Variants in CYBRD1 observed in about 807,000 individuals in gnomAD.
The protein encoded by CYBRD1 is plasma membrane ascorbate-dependent reductase CYBRD1.
CYBRD1 carries 14 observed loss-of-function variants against 21.9 expected under a neutral mutation model. The ratio of observed to expected loss-of-function variants is 0.64; its 90% confidence interval spans 0.42 to 1.00. The LOEUF is 1.00. Among genes scored for constraint, CYBRD1 ranks in the 50% least tolerant of loss-of-function variants. The pLI is 0.00. For missense variants in CYBRD1, 328 were observed against 352.5 expected, an observed-to-expected ratio of 0.93 and a Z score of 0.56; for synonymous variants, 146 against 136.5, an observed-to-expected ratio of 1.07 and a Z score of -0.48.
chr2:171,541,192 T>G, intron 1 of CYBRD1: 4 of 247,634 alleles, frequency 1.6e-5, no homozygotes, highest in East Asian at 9.8e-5. Flanking sequence ...CAAGAAGACA[T>G]TGGATTATGC....
intron 1 of CYBRD1, among the ~76,000 whole-genome samples, chr2:171,537,242 C>G (rs1003078506): frequency 6.6e-6 from 1 of 152,086 alleles, no homozygotes; most frequent in Non-Finnish European, 1.5e-5. Context: ...CTTCATATAT[C>G]GCACATTTTT....
chr2:171,523,849 T>C, intron 1 of CYBRD1, among the ~76,000 whole-genome samples: 1 of 152,316 alleles, frequency 6.6e-6, no homozygotes, highest in East Asian at 1.9e-4. Context: ...CAGAAAGTAG[T>C]TAGAGAAAGG....
At chr2:171,532,873 CGA>C (rs1697488599) in intron 1 of CYBRD1, among the ~76,000 whole-genome samples, 1 of 101,326 alleles carries the variant, frequency 9.9e-6, no homozygotes, top group Admixed American at 1.0e-4. Context: ...AACCATTTCA[CGA>C]TGTGTGTGTG....
At chr2:171,530,399 C>T (rs1375741219) in intron 1 of CYBRD1, among the ~76,000 whole-genome samples, 1 of 152,220 alleles carries the variant, frequency 6.6e-6, no homozygotes, top group East Asian at 1.9e-4. Flanking sequence ...AGTCCAGACA[C>T]AGTTTACCAA....
At chr2:171,525,238 G>C (rs1003639096) in intron 1 of CYBRD1, among the ~76,000 whole-genome samples, 2 of 152,014 alleles carry the variant, frequency 1.3e-5, no homozygotes, top group Non-Finnish European at 2.9e-5. Flanking sequence ...GTACCCGGCC[G>C]ATCTTGTTTT....
chr2:171,522,398 G>A, upstream of CYBRD1: 1 of 1,497,872 alleles, frequency 6.7e-7, no homozygotes. The surrounding 1 kb of genome is among the most constrained non-coding windows in gnomAD (Gnocchi z 4.3). Context: ...CCCACATTCC[G>A]GGCCAGCAGC....
At chr2:171,547,937 T>C (rs1439475334) in intron 2 of CYBRD1, among the ~76,000 whole-genome samples, 1 of 151,896 alleles carries the variant, frequency 6.6e-6, no homozygotes, top group African/African-American at 2.4e-5. Flanking sequence ...AGACCAGGGG[T>C]AGTCATGAAG....
At chr2:171,535,878 A>G (rs982956588) in intron 1 of CYBRD1, among the ~76,000 whole-genome samples, 1 of 152,116 alleles carries the variant, frequency 6.6e-6, no homozygotes, top group East Asian at 1.9e-4. Context: ...GGGCTCAAGC[A>G]GTCTACCCAC....
rs138508811 is a variant in CYBRD1, at chr2:171,555,147, G to C, written c.*320G>C. On this transcript the variant is annotated 3_prime_UTR_variant, in exon 4 of 4. Transcript: ENST00000321348. ...AATATGTGTCTACTAGTAGTTAATT[G>C]GATAAACTGGCAGCATCCCTGGCCT... 1.4e-3 allele frequency: 440 copies of C among 319,714 alleles called. 7 individuals are homozygous for C. In the East Asian group the frequency reaches 0.017, roughly 12 times the overall value. The allele number at this position is 319,714 out of a possible 1,614,324, so 19.8% of individuals were successfully genotyped here.
chr2:171,541,938 C>T (rs144570265), intron 2 of CYBRD1, 145 bp downstream of exon 2: 6 of 667,014 alleles, frequency 9.0e-6, no homozygotes, highest in Non-Finnish European at 1.5e-5. Flanking sequence ...GATCTTGGCT[C>T]ACTGCAACCA....
At chr2:171,532,631 C>T (rs1024633547) in intron 1 of CYBRD1, among the ~76,000 whole-genome samples, 1 of 151,884 alleles carries the variant, frequency 6.6e-6, no homozygotes, top group African/African-American at 2.4e-5. Flanking sequence ...AAAACCCTGT[C>T]TCTACAAAAA....
rs887770495 is a variant in CYBRD1, at chr2:171,522,848, G to A, written c.193+110G>A. On this transcript the variant is annotated intron_variant, in intron 1 of 3. Coordinates refer to ENST00000321348, the MANE Select transcript of CYBRD1 (RefSeq NM_024843.4). This position sits in a 1 kb window ranked among gnomAD's most constrained non-coding sequence, Gnocchi z 4.3. Reference sequence around the variant, plus strand: ...TGAGGAAGTGCTGGAGGATCGCGGGGCCCGGAGGAGTGCGGTGAGGAGCGC... The same window carrying A: ...TGAGGAAGTGCTGGAGGATCGCGGGACCCGGAGGAGTGCGGTGAGGAGCGC... 5.2e-6 allele frequency: 8 copies of A among 1,528,970 alleles called. No homozygotes were observed. Among genetic ancestry groups the A allele is most frequent in the African/African-American group, 2.7e-5 (2 of 73,814 alleles). The allele number at this position is 1,528,970 out of a possible 1,614,324, so 94.7% of individuals were successfully genotyped here.
intron 1 of CYBRD1, among the ~76,000 whole-genome samples, chr2:171,525,184 T>C (rs1336399499): frequency 6.6e-6 from 1 of 152,158 alleles, no homozygotes; most frequent in Non-Finnish European, 1.5e-5. Context: ...GTGATCCGCC[T>C]ACCTCGGCCC....
chr2:171,544,669 C>G (rs2105341577), intron 2 of CYBRD1, among the ~76,000 whole-genome samples: 1 of 152,288 alleles, frequency 6.6e-6, no homozygotes, highest in Admixed American at 6.5e-5. Context: ...CTTCCCATCA[C>G]CATTTATTGA....
chr2:171,552,882 C>A (rs140591509), intron 2 of CYBRD1, among the ~76,000 whole-genome samples: 23 of 149,570 alleles, frequency 1.5e-4, no homozygotes, highest in African/African-American at 4.6e-4. Flanking sequence ...TTTAAAAAAT[C>A]TTTTCCTTCC....
chr2:171,529,569 A>G (rs909312903), intron 1 of CYBRD1, among the ~76,000 whole-genome samples: 5 of 148,086 alleles, frequency 3.4e-5, no homozygotes, highest in African/African-American at 9.9e-5. Flanking sequence ...ATGAGAGACT[A>G]TTAAGACCAT....
chr2:171,541,699 CCGTG>C lies in CYBRD1; in HGVS notation c.309_312del (p.Val104LeufsTer9). 6.2e-7 allele frequency: 1 copy of C among 1,613,704 alleles called. No homozygotes were observed. Among genetic ancestry groups the C allele is most frequent in the Non-Finnish European group, 8.5e-7 (1 of 1,179,976 alleles). On this transcript the variant is annotated frameshift_variant, in exon 2 of 4. Transcript: ENST00000321348. LOFTEE classifies it high-confidence loss of function. The stretch of plus-strand genomic sequence containing the variant: ...ATTCTTGCAATTATCTCTGTGGTGG[CCGTG>C]TTTGAGAACCACAATGTTAACAATA...
In CYBRD1 at chr2:171,548,822, A is replaced by G. The variant is rs1286550469; in HGVS notation, c.403-4524A>G. Among the ~76,000 whole-genome samples, 4 of 151,798 alleles carry G rather than the reference A, an allele frequency of 2.6e-5. No homozygotes were observed. In the South Asian group the frequency reaches 8.3e-4, roughly 32 times the overall value. ...AAAGAAAAAAAACCAACCTCAGGCC[A>G]GACATGGCATGGTGGCTCACGCCTG... On this transcript the variant is annotated intron_variant, in intron 2 of 3. Transcript: ENST00000321348.
chr2:171,538,173 G>T (rs550408125), intron 1 of CYBRD1, among the ~76,000 whole-genome samples: 1 of 152,330 alleles, frequency 6.6e-6, no homozygotes, highest in South Asian at 2.1e-4. Context: ...TGAGGCAGGA[G>T]AATCTCTTGA....
Sources: gnomAD v4.1 joint callset for allele counts (sites outside exome capture counted in the v4.1 genomes callset) on GRCh38, gnomAD v4.1.1 for gene constraint, Gnocchi (gnomAD v3.1) non-coding constraint, MANE v1.5 for transcripts, NCBI Gene and HGNC (gene_info 2026-07-23, HGNC 2026-07-21) for gene names.